The following KCNC2 variants were observed in gnomAD, a reference collection of about 807,000 sequenced individuals.
The protein encoded by KCNC2 is potassium voltage-gated channel subfamily C member 2, also known as voltage-gated potassium channel KCNC2.
KCNC2 carries 21 observed loss-of-function variants against 44.5 expected under a neutral mutation model. That is an observed-to-expected ratio of 0.47 (90% CI 0.33 to 0.68). The LOEUF (loss-of-function observed/expected upper bound fraction) is 0.68. Among genes scored for constraint, KCNC2 ranks in the 30% least tolerant of loss-of-function variants. The pLI, the probability that KCNC2 is intolerant of heterozygous loss-of-function variation, is 0.01. For missense variants in KCNC2, 589 were observed against 826.2 expected, an observed-to-expected ratio of 0.71 and a Z score of 3.52; for synonymous variants, 391 against 339.1, an observed-to-expected ratio of 1.15 and a Z score of -1.68.
At chr12:75,052,669 T>C (rs906075129) in intron 2 of KCNC2, among the ~76,000 whole-genome samples, 9 of 152,218 alleles carry the variant, frequency 5.9e-5, no homozygotes, top group East Asian at 1.9e-4. Flanking sequence ...TATCTAGTCC[T>C]CAAGCATGCC....
intron 2 of KCNC2, among the ~76,000 whole-genome samples, chr12:75,139,293 T>C (rs531333862): frequency 6.6e-6 from 1 of 152,310 alleles, no homozygotes; most frequent in Admixed American, 6.5e-5. Context: ...AATAAGGCCA[T>C]GCCTTGGAAA....
chr12:75,051,528 A>G (rs867538358), intron 2 of KCNC2, among the ~76,000 whole-genome samples: 1 of 152,274 alleles, frequency 6.6e-6, no homozygotes, highest in African/African-American at 2.4e-5. Context: ...TTTTCAGCTT[A>G]TAGATACAAA....
chr12:75,091,615 G>T (rs1331802943), intron 2 of KCNC2, among the ~76,000 whole-genome samples: 1 of 151,634 alleles, frequency 6.6e-6, no homozygotes, highest in Admixed American at 6.6e-5. Flanking sequence ...TACTCTCTGC[G>T]ATGCAAAATA....
intron 2 of KCNC2, among the ~76,000 whole-genome samples, chr12:75,137,706 T>A (rs1274256289): frequency 6.6e-6 from 1 of 152,204 alleles, no homozygotes; most frequent in Non-Finnish European, 1.5e-5. Flanking sequence ...ATATGACCTT[T>A]AAAACAAAAA....
At chr12:75,171,186 T>G (rs555816189) in intron 2 of KCNC2, among the ~76,000 whole-genome samples, 1 of 151,938 alleles carries the variant, frequency 6.6e-6, no homozygotes, top group South Asian at 2.1e-4. Context: ...TCTCCTTTTT[T>G]ATTAAGTTAA....
chr12:75,119,628 A>G (rs1356360487), intron 2 of KCNC2, among the ~76,000 whole-genome samples: 1 of 152,144 alleles, frequency 6.6e-6, no homozygotes, highest in Admixed American at 6.5e-5. Flanking sequence ...CATTTAGTAA[A>G]GACTCTTGCC....
intron 2 of KCNC2, among the ~76,000 whole-genome samples, chr12:75,096,538 C>T (rs1383936049): frequency 6.6e-6 from 1 of 151,926 alleles, no homozygotes; most frequent in Admixed American, 6.6e-5. Context: ...ATATGGACAA[C>T]TTGTTATTCA....
At chr12:75,103,817 A>G (rs1169844206) in intron 2 of KCNC2, among the ~76,000 whole-genome samples, 1 of 152,212 alleles carries the variant, frequency 6.6e-6, no homozygotes, top group African/African-American at 2.4e-5. Flanking sequence ...AACAATAATA[A>G]CAAAACAGAA....
intron 2 of KCNC2, among the ~76,000 whole-genome samples, chr12:75,073,642 T>A (rs1015245386): frequency 2.0e-5 from 3 of 152,204 alleles, no homozygotes; most frequent in African/African-American, 7.2e-5. Flanking sequence ...TCATATAAAC[T>A]ATGTGCAATT....
At chr12:75,069,127 A>ATTTTTTT (rs1231157819) in intron 2 of KCNC2, among the ~76,000 whole-genome samples, 17 of 33,900 alleles carry the variant, frequency 5.0e-4, no homozygotes, top group South Asian at 1.3e-3. Flanking sequence ...ATTTTATATA[A>ATTTTTTT]TCTTTTTTTT....
intron 2 of KCNC2, among the ~76,000 whole-genome samples, chr12:75,089,111 C>T (rs980678659): frequency 2.4e-4 from 36 of 151,648 alleles, no homozygotes; most frequent in Admixed American, 2.2e-3. Flanking sequence ...AATCTTTATG[C>T]TTATATATCA....
At position 75,100,829 on chromosome 12, in the gene KCNC2, A is replaced by G. The variant is rs74482690; in HGVS notation, c.688-49512T>C. Among the ~76,000 whole-genome samples the G allele has an allele frequency of 0.013, 1,924 of 152,192 alleles. 100 individuals are homozygous for G. In the East Asian group the frequency reaches 0.15, roughly 12 times the overall value. ...TTAGCTAGATTTGCCTACGTATATA[A>G]TAAACTAATTTCTATTGTATTGGAC... On this transcript the variant is annotated intron_variant, in intron 2 of 4. Coordinates refer to ENST00000549446, the MANE Select transcript of KCNC2 (RefSeq NM_139137.4).
At chr12:75,196,739 C>G in intron 2 of KCNC2, among the ~76,000 whole-genome samples, 1 of 152,074 alleles carries the variant, frequency 6.6e-6, no homozygotes, top group East Asian at 1.9e-4. Context: ...ATCTCAAAAT[C>G]AACTATCAGA....
rs553493885 is a variant in KCNC2 at position 75,115,783 on chromosome 12, A to G, written c.688-64466T>C. On this transcript the variant is annotated intron_variant, in intron 2 of 4. Coordinates refer to ENST00000549446, the MANE Select transcript of KCNC2 (RefSeq NM_139137.4). Reference sequence around the variant, plus strand: ...TTAAACAAAATTATTTAATTATTTAAACAAAATTATTTAAGAAACAAAATT... The same window carrying G: ...TTAAACAAAATTATTTAATTATTTAGACAAAATTATTTAAGAAACAAAATT... 3.3e-5 allele frequency among the ~76,000 whole-genome samples: 5 copies of G among 152,276 alleles called. No homozygotes were observed. In the East Asian group the frequency reaches 9.6e-4, roughly 29 times the overall value.
At chr12:75,066,235 A>T (rs1379959) in intron 2 of KCNC2, among the ~76,000 whole-genome samples, 5,682 of 152,156 alleles carry the variant, frequency 0.037, 149 homozygotes, top group East Asian at 0.15. Flanking sequence ...TGTTCTGCTC[A>T]AATTTTATTA....
chr12:75,050,836 G>A lies in KCNC2; in HGVS notation c.1169C>T (p.Ala390Val). The change falls in exon 3 of 5, where the codon GCT becomes GTT. Residue 390 changes from alanine (A) to valine (V), a missense_variant. This residue lies in a region of KCNC2 where 67 missense variants were observed against 237.4 expected (regional missense o/e 0.28). Transcript: ENST00000549446. ...NEFLLLIIFL[A>V]LGVLIFATMI... ...GGTAGCAAATATCAAAACTCCTAGA[G>A]CCAGGAAAATTATCAGCAGCAAAAA... The A allele has an allele frequency of 6.2e-7, 1 of 1,613,416 alleles. No homozygotes were observed.
chr12:75,162,191 C>A (rs1891163878), intron 2 of KCNC2, among the ~76,000 whole-genome samples: 1 of 151,678 alleles, frequency 6.6e-6, no homozygotes, highest in Non-Finnish European at 1.5e-5. Flanking sequence ...AGTTTACTGT[C>A]TCAAGATATA....
chr12:75,074,425 T>A lies in KCNC2; in HGVS notation c.688-23108A>T, dbSNP rs11833451. On this transcript the variant is annotated intron_variant, in intron 2 of 4. Transcript: ENST00000549446. ...TCCTCTTAGGATGCTCATTCTGATG[T>A]CCAAAACTGTGTAAAATTTCTGCTA... Among the ~76,000 whole-genome samples, 406 of 152,186 alleles carry A rather than the reference T, an allele frequency of 2.7e-3. 1 individual carries two copies. Among genetic ancestry groups the A allele is most frequent in the African/African-American group, 8.9e-3 (371 of 41,514 alleles).
At chr12:75,176,015 G>T (rs1284828627) in intron 2 of KCNC2, among the ~76,000 whole-genome samples, 1 of 152,012 alleles carries the variant, frequency 6.6e-6, no homozygotes, top group Non-Finnish European at 1.5e-5. Context: ...GTTTGCAGTG[G>T]TATCTGAGGT....
Sources: allele counts gnomAD v4.1 joint callset (sites outside exome capture counted in the v4.1 genomes callset), GRCh38; gene constraint gnomAD v4.1.1; regional missense constraint gnomAD v4.1.1; transcripts MANE v1.5; gene names NCBI Gene and HGNC (gene_info 2026-07-23, HGNC 2026-07-21).